The following ARHGAP39 variants were observed in gnomAD, a reference collection of about 807,000 sequenced individuals.
The protein encoded by ARHGAP39 is rho GTPase-activating protein 39.
A neutral mutation model predicts 106.9 loss-of-function variants in ARHGAP39; 44 were observed. That is an observed-to-expected ratio of 0.41 (90% confidence interval 0.32 to 0.53). ARHGAP39 has a LOEUF of 0.53. Among genes scored for constraint, ARHGAP39 ranks in the 20% least tolerant of loss-of-function variants. The pLI is 0.21. For missense variants in ARHGAP39, 1,496 were observed against 1,577.3 expected (o/e 0.95, Z 0.87); for synonymous variants, 768 against 693.2 (o/e 1.11, Z -1.69).
Position 144,548,339 on chromosome 8 carries a change from C to G in ARHGAP39, c.747G>C (p.Gln249His). 2 of 1,606,672 alleles carry G rather than the reference C, an allele frequency of 1.2e-6. No individual in the cohort carries two copies. The highest frequency in any genetic ancestry group is 1.7e-6 in the Non-Finnish European group (2 of 1,176,038). ...CGAAGGTCTGCAGGCTGGGTGAGTG[C>G]TGGCTGCCGGAGGGTCTGCGGGAGC... ...GVRSRRPSGS[Q>H]HSPSLQTFAP... The change falls in exon 5 of 12, where the codon CAG becomes CAC. Residue 249 changes from glutamine to histidine, a missense_variant. Transcript: ENST00000377307. This position sits in a 1 kb window ranked among gnomAD's most constrained non-coding sequence, Gnocchi z 7.4.
At chr8:144,541,905 T>G (rs1817207766) in intron 6 of ARHGAP39, among the ~76,000 whole-genome samples, 1 of 152,036 alleles carries the variant, frequency 6.6e-6, no homozygotes, top group Non-Finnish European at 1.5e-5. Flanking sequence ...GAATTATATT[T>G]TTAATTATTT....
intron 2 of ARHGAP39, among the ~76,000 whole-genome samples, chr8:144,600,673 T>C (rs1275926010): frequency 6.8e-6 from 1 of 147,424 alleles, no homozygotes; most frequent in Non-Finnish European, 1.5e-5. Context: ...CACACTTGTG[T>C]ACCTGCGTGT....
intron 3 of ARHGAP39, among the ~76,000 whole-genome samples, chr8:144,561,373 TTCCATCGGACTCACCCCAGTGGTG>T: frequency 6.6e-6 from 1 of 152,158 alleles, no homozygotes; most frequent in South Asian, 2.1e-4. Flanking sequence ...CCCCAGTGGT[TTCCATCGGACTCACCCCAGTGGTG>T]TCCATCACAC....
At chr8:144,541,638 C>A (rs968121550) in intron 6 of ARHGAP39, among the ~76,000 whole-genome samples, 1 of 152,220 alleles carries the variant, frequency 6.6e-6, no homozygotes, top group African/African-American at 2.4e-5. Flanking sequence ...TGACTGGCTT[C>A]TTGCCTTTAG....
rs537785485 is a variant in ARHGAP39 at position 144,531,171 on chromosome 8, A to G, written c.2981-300T>C. Among the ~76,000 whole-genome samples, 100 of 152,064 alleles carry G rather than the reference A, an allele frequency of 6.6e-4. 2 individuals are homozygous for G. Among genetic ancestry groups the G allele is most frequent in the African/African-American group, 1.8e-3 (74 of 41,406 alleles). On this transcript the variant is annotated intron_variant, in intron 10 of 11. Coordinates refer to ENST00000377307, the MANE Select transcript of ARHGAP39 (RefSeq NM_025251.3). ...GAGGGGGTGTCTGCAGAGCAGGCACAGCTGAAGGGCACAGGGCAGAGAGCA... is the reference window on the plus strand; with the variant it reads ...GAGGGGGTGTCTGCAGAGCAGGCACGGCTGAAGGGCACAGGGCAGAGAGCA...
intron 3 of ARHGAP39, among the ~76,000 whole-genome samples, chr8:144,564,491 A>T (rs2130874257): frequency 6.6e-6 from 1 of 152,336 alleles, no homozygotes; most frequent in East Asian, 1.9e-4. Flanking sequence ...TATTACAAGA[A>T]AACTCAACCA....
At chr8:144,600,372 G>C (rs1304665165) in intron 2 of ARHGAP39, among the ~76,000 whole-genome samples, 2 of 149,018 alleles carry the variant, frequency 1.3e-5, no homozygotes, top group Admixed American at 6.7e-5. Context: ...GTGCACACTT[G>C]GGTACCTACC....
Position 144,529,770 on chromosome 8 carries a change from C to T in ARHGAP39, c.*652G>A, listed in dbSNP as rs968326370. 6.6e-6 allele frequency: 1 copy of T among 152,240 alleles called. No homozygotes were observed. Among genetic ancestry groups the T allele is most frequent in the African/African-American group, 2.4e-5 (1 of 41,412 alleles). The allele number at this position is 152,240 out of a possible 1,614,324, so 9.4% of individuals were successfully genotyped here. Reference sequence around the variant, plus strand: ...ACAGTTACACGAAGAAAAAAATACTCTCGCCCCTCCCCCACCCTGCCCCCA... The same window carrying T: ...ACAGTTACACGAAGAAAAAAATACTTTCGCCCCTCCCCCACCCTGCCCCCA... On this transcript the variant is annotated 3_prime_UTR_variant, in exon 12 of 12. Coordinates refer to ENST00000377307, the MANE Select transcript of ARHGAP39 (RefSeq NM_025251.3).
At chr8:144,686,593 C>T (rs889091305), upstream of ARHGAP39, among the ~76,000 whole-genome samples, 2 of 152,200 alleles carry the variant, frequency 1.3e-5, no homozygotes, top group Admixed American at 1.3e-4. Flanking sequence ...CGTCAAAAGT[C>T]ATCCGTGGAG....
At chr8:144,556,991 T>C (rs1355934146) in intron 3 of ARHGAP39, among the ~76,000 whole-genome samples, 2 of 144,594 alleles carry the variant, frequency 1.4e-5, no homozygotes, top group Admixed American at 6.7e-5. Context: ...CTTCATAGTA[T>C]TCAGAGGCAA....
chr8:144,629,207 G>A (rs1380603125), intron 1 of ARHGAP39, among the ~76,000 whole-genome samples: 3 of 152,224 alleles, frequency 2.0e-5, no homozygotes, highest in Non-Finnish European at 4.4e-5. Context: ...GTAACGGAAG[G>A]TTTTTCCCTT....
intron 3 of ARHGAP39, among the ~76,000 whole-genome samples, chr8:144,578,494 C>A (rs1818851377): frequency 6.6e-6 from 1 of 152,188 alleles, no homozygotes; most frequent in South Asian, 2.1e-4. Context: ...TTGAAAAGTG[C>A]TGGGATTACA....
intron 10 of ARHGAP39, among the ~76,000 whole-genome samples, chr8:144,531,076 G>A (rs1000003337): frequency 1.3e-5 from 2 of 152,238 alleles, no homozygotes; most frequent in African/African-American, 2.4e-5. Flanking sequence ...GATCCTGGAG[G>A]CATGTGGGTC....
At chr8:144,680,453 CA>C (rs1328729184) in intron 1 of ARHGAP39, among the ~76,000 whole-genome samples, 1 of 152,138 alleles carries the variant, frequency 6.6e-6, no homozygotes, top group South Asian at 2.1e-4. Context: ...AGGAGTCTGC[CA>C]GGGGGCTGCA....
At chr8:144,611,220 A>G (rs1820479752) in intron 1 of ARHGAP39, among the ~76,000 whole-genome samples, 1 of 152,324 alleles carries the variant, frequency 6.6e-6, no homozygotes, top group Admixed American at 6.5e-5. Flanking sequence ...GTTTCTAATT[A>G]TGTTTTTCTC....
intron 1 of ARHGAP39, among the ~76,000 whole-genome samples, chr8:144,635,380 C>T (rs985117283): frequency 6.6e-6 from 1 of 152,174 alleles, no homozygotes; most frequent in Non-Finnish European, 1.5e-5. Flanking sequence ...GAGAGCTGAA[C>T]ACATGGGGGG....
At chr8:144,565,950 G>GGTACGGAA (rs1818379096) in intron 3 of ARHGAP39, among the ~76,000 whole-genome samples, 2 of 150,850 alleles carry the variant, frequency 1.3e-5, no homozygotes, top group Non-Finnish European at 3.0e-5. Flanking sequence ...AAAAAGGCTG[G>GGTACGGAA]GTACGGAAGT....
At chr8:144,698,955 C>T in the ARHGAP39 span, 2 of 444,600 alleles carry the variant, frequency 4.5e-6, no homozygotes, top group Non-Finnish European at 9.1e-6. Context: ...GGCCTGCAAC[C>T]CCAGTGAGAA....
chr8:144,619,002 T>C (rs549331920), intron 1 of ARHGAP39, among the ~76,000 whole-genome samples: 152 of 152,248 alleles, frequency 1.0e-3, no homozygotes, highest in Middle Eastern at 6.8e-3. Flanking sequence ...GTGGTCTCCA[T>C]AGCAGTCAAG....
Sources: gnomAD v4.1 joint callset for allele counts (sites outside exome capture counted in the v4.1 genomes callset) on GRCh38, gnomAD v4.1.1 for gene constraint, Gnocchi (gnomAD v3.1) non-coding constraint, MANE v1.5 for transcripts, NCBI Gene and HGNC (gene_info 2026-07-23, HGNC 2026-07-21) for gene names.